CAPN15: variants seen among roughly 807,000 people sequenced by gnomAD.
CAPN15 encodes the protein calpain-15.
CAPN15 carries 53 observed loss-of-function variants against 97.9 expected under a neutral mutation model. The observed-to-expected ratio is 0.54, with a 90% CI of 0.43 to 0.68. The LOEUF (loss-of-function observed/expected upper bound fraction) is 0.68. Among genes scored for constraint, CAPN15 ranks in the 30% least tolerant of loss-of-function variants. CAPN15 has a pLI of 0.00. For missense variants in CAPN15, 1,592 were observed against 1,589.8 expected, an observed-to-expected ratio of 1.00 and a Z score of -0.02; for synonymous variants, 922 against 722.5, an observed-to-expected ratio of 1.28 and a Z score of -4.43.
chr16:549,310 C>A lies in CAPN15; in HGVS notation c.1681C>A (p.Leu561Met). Residue 561 changes from leucine to methionine, a missense_variant, in exon 6 of 14, where the codon CTG becomes ATG. This residue lies in a region of CAPN15 where 65 missense variants were observed against 113.7 expected (regional missense o/e 0.57). Coordinates refer to ENST00000219611, the MANE Select transcript of CAPN15 (RefSeq NM_005632.3). ...CAGGTTCCTGAGCGCCCTGGCGGTG[C>A]TGGCGGAGCGGCCGGACCTGGTGGA... Reference protein sequence around the residue: ...NCWFLSALAVLAERPDLVERV... With the variant: ...NCWFLSALAVMAERPDLVERV... The A allele has an allele frequency of 2.5e-6, 4 of 1,592,138 alleles. No homozygotes were observed. Among genetic ancestry groups the A allele is most frequent in the Non-Finnish European group, 2.6e-6 (3 of 1,176,122 alleles).
intron 7 of CAPN15, among the ~76,000 whole-genome samples, chr16:550,802 G>A (rs867694185): frequency 0.076 from 312 of 4,080 alleles, 2 homozygotes; most frequent in Middle Eastern, 0.1. Flanking sequence ...GGTCCCGGTC[G>A]GTGAGGGCCC....
At chr16:544,721 C>T (rs1424587417) in intron 3 of CAPN15, among the ~76,000 whole-genome samples, 37 of 71,122 alleles carry the variant, frequency 5.2e-4, no homozygotes, top group East Asian at 2.8e-3. Flanking sequence ...CCCCACGTCG[C>T]CTCCCCCACG....
chr16:551,800 T>G, intron 9 of CAPN15, 136 bp downstream of exon 9: 5 of 1,193,242 alleles, frequency 4.2e-6, no homozygotes, highest in Non-Finnish European at 6.0e-6. Flanking sequence ...ACCTGGAGCT[T>G]CAGCTCCAAG....
chr16:529,419 C>T (rs773492783), intron 1 of CAPN15, among the ~76,000 whole-genome samples: 18 of 152,192 alleles, frequency 1.2e-4, no homozygotes, highest in Non-Finnish European at 2.1e-4. Context: ...ACTCCGGTAA[C>T]CCCAGTGCCA....
At chr16:551,272 C>T in intron 7 of CAPN15, 30 bp from the exon 8 acceptor site, 1 of 1,552,036 alleles carries the variant, frequency 6.4e-7, no homozygotes, top group Non-Finnish European at 8.7e-7. Flanking sequence ...GGTGAGGGTC[C>T]CGGTCGGTGA....
rs1283613334 is a variant in CAPN15 at position 533,871 on chromosome 16, G to T, written c.-189-75G>T. 3 of 728,536 alleles carry T rather than the reference G, an allele frequency of 4.1e-6. No individual in the cohort carries two copies. The East Asian group carries it at 3.9e-4, about 96-fold the overall frequency. 45.1% of individuals were successfully genotyped at this position (728,536 alleles called of 1,614,324 possible). A position where few individuals can be genotyped will look rare whatever the true frequency, so the allele number is the denominator to read the frequency against. ...CTGGCTCCTGCAGAGAGGGCTGGAG[G>T]CGGGGCTCTGTGTTCCAGGGTCAGA... On this transcript the variant is annotated intron_variant, in intron 1 of 13. Coordinates refer to ENST00000219611, the MANE Select transcript of CAPN15 (RefSeq NM_005632.3).
chr16:552,630 G>A lies in CAPN15; in HGVS notation c.2763G>A (p.Pro921=), dbSNP rs373284396. The A allele has an allele frequency of 1.6e-4, 250 of 1,537,104 alleles. No homozygotes were observed. The highest frequency in any genetic ancestry group is 1.7e-4 in the Middle Eastern group (1 of 5,772). Residue 921 remains proline, a synonymous_variant, in exon 12 of 14, where the codon CCG becomes CCA. Transcript: ENST00000219611. The surrounding 1 kb of genome is among the most constrained non-coding windows in gnomAD (Gnocchi z 6.4). ...CCTCCAGCCCCTCGGCAGGGGTCCC[G>A]AGAGCCTCCCCAGAGCCGCCGGGCC... ...PQASSPSAGV[P]RASPEPPGHV...
rs905137505 is a variant in CAPN15 at position 547,534 on chromosome 16, C to T, written c.696C>T (p.Phe232=). The T allele has an allele frequency of 9.4e-6, 15 of 1,597,802 alleles. No homozygotes were observed. The highest frequency in any genetic ancestry group is 1.3e-5 in the African/African-American group (1 of 74,868). ...CAGAGCCGCCCAGGGTCCCGCCCTT[C>T]AGCCCCTTCTCGTCCACCCTGCAGA... ...AEPEPPRVPP[F]SPFSSTLQNN... The change falls in exon 4 of 14, where the codon TTC becomes TTT. Residue 232 remains phenylalanine, a synonymous_variant. Coordinates refer to ENST00000219611, the MANE Select transcript of CAPN15 (RefSeq NM_005632.3).
intron 3 of CAPN15, among the ~76,000 whole-genome samples, chr16:546,528 C>T (rs1037469295): frequency 1.3e-5 from 2 of 152,248 alleles, no homozygotes; most frequent in Non-Finnish European, 2.9e-5. Context: ...ACAGAGAAAG[C>T]AGTGCCCTGG....
At chr16:541,132 C>A (rs931241214) in intron 3 of CAPN15, among the ~76,000 whole-genome samples, 1 of 152,260 alleles carries the variant, frequency 6.6e-6, no homozygotes, top group African/African-American at 2.4e-5. Context: ...GGGACGATGT[C>A]CTGCTGTCTG....
In CAPN15 at chr16:547,521, G is replaced by T. The variant is rs759755087; in HGVS notation, c.683G>T (p.Arg228Met). 1 of 1,598,196 alleles carries T rather than the reference G, an allele frequency of 6.3e-7. No homozygotes were observed. The highest frequency in any genetic ancestry group is 1.1e-5 in the South Asian group (1 of 91,024). Residue 228 changes from arginine (R) to methionine (M), a missense_variant, in exon 4 of 14, where the codon AGG (arginine) becomes ATG (methionine). Arg to Met is a moderately conservative substitution (Grantham distance 91). Around this residue, in one of 3 missense-constraint regions of CAPN15, gnomAD observed 883 missense variants for 776.6 expected, o/e 1.14. Transcript: ENST00000219611. Reference sequence around the variant, plus strand: ...CCAGCTGCCGAACCAGAGCCGCCCAGGGTCCCGCCCTTCAGCCCCTTCTCG... The same window carrying T: ...CCAGCTGCCGAACCAGAGCCGCCCATGGTCCCGCCCTTCAGCCCCTTCTCG... ...QGPAAEPEPP[R>M]VPPFSPFSST...
rs374346295 is a variant in CAPN15 at position 547,207 on chromosome 16, C to T, written c.369C>T (p.Cys123=). 22 of 1,530,012 alleles carry T rather than the reference C, an allele frequency of 1.4e-5. No homozygotes were observed. The highest frequency in any genetic ancestry group is 1.8e-4 in the Middle Eastern group (1 of 5,486). The allele number at this position is 1,530,012 out of a possible 1,614,324, so 94.8% of individuals were successfully genotyped here. A position where few individuals can be genotyped will look rare whatever the true frequency, so the allele number is the denominator to read the frequency against. Reference sequence around the variant, plus strand: ...CCACGGAGCCCGCCAGGGGGCAGTGCGAGGACAAGGACGAGGAGGAGAAGG... The same window carrying T: ...CCACGGAGCCCGCCAGGGGGCAGTGTGAGGACAAGGACGAGGAGGAGAAGG... The part of the protein sequence containing the change: ...LVATEPARGQ[C]EDKDEEEKEE... Residue 123 remains cysteine (C), a synonymous_variant, in exon 4 of 14, where the codon TGC becomes TGT. Coordinates refer to ENST00000219611, the MANE Select transcript of CAPN15 (RefSeq NM_005632.3).
chr16:549,321 G>A lies in CAPN15; in HGVS notation c.1692G>A (p.Arg564=). The A allele has an allele frequency of 1.3e-6, 2 of 1,593,378 alleles. No homozygotes were observed. Among genetic ancestry groups the A allele is most frequent in the Non-Finnish European group, 1.7e-6 (2 of 1,176,762 alleles). The part of the protein sequence containing the change: ...FLSALAVLAE[R]PDLVERVMVT... ...GCGCCCTGGCGGTGCTGGCGGAGCG[G>A]CCGGACCTGGTGGAGCGGGTGATGG... Residue 564 remains arginine, a synonymous_variant, in exon 6 of 14, where the codon CGG becomes CGA. Transcript: ENST00000219611.
chr16:551,274 G>C (rs200245058), intron 7 of CAPN15, 28 bp from the exon 8 acceptor site: 2 of 1,552,780 alleles, frequency 1.3e-6, no homozygotes, highest in African/African-American at 1.4e-5. Context: ...TGAGGGTCCC[G>C]GTCGGTGAGG....
chr16:549,534 C>T (rs1176300378), intron 6 of CAPN15, 63 bp downstream of exon 6: 3 of 1,499,814 alleles, frequency 2.0e-6, no homozygotes, highest in Non-Finnish European at 2.7e-6. Context: ...GCCCCGAAAA[C>T]AAGGCCGGCT....
chr16:552,000 G>A (rs774962907), intron 9 of CAPN15, 51 bp from the exon 10 acceptor site: 57 of 1,526,090 alleles, frequency 3.7e-5, no homozygotes, highest in Admixed American at 1.8e-4. Flanking sequence ...GCTGAGCCAC[G>A]GAGGTGTGGG....
At position 551,191 on chromosome 16, in the gene CAPN15, G is replaced by C. The variant is rs144043662; in HGVS notation, c.2067-111G>C. 174 of 1,376,842 alleles carry C rather than the reference G, an allele frequency of 1.3e-4. 2 individuals carry two copies. The highest frequency in any genetic ancestry group is 7.2e-4 in the East Asian group (28 of 38,946). The allele number at this position is 1,376,842 out of a possible 1,614,324, so 85.3% of individuals were successfully genotyped here. ...GAGGGTCCCGGTCGGTGAGGGCCCC[G>C]GTCGGTGAGGGTCCCCAGTCGGTGA... On this transcript the variant is annotated intron_variant, in intron 7 of 13. Transcript: ENST00000219611.
rs552774729 is a variant in CAPN15 at position 552,156 on chromosome 16, G to A, written c.2451G>A (p.Ala817=). The A allele has an allele frequency of 1.3e-4, 200 of 1,546,482 alleles. No homozygotes were observed. The highest frequency in any genetic ancestry group is 1.7e-4 in the South Asian group (14 of 83,702). ...SSASAPVGVT[A]LTVLERASLE... is the part of the protein sequence containing the mutation. ...CCAGCGCGCCCGTGGGGGTAACAGCGCTCACGGTGCTGGAGCGGGCCTCGC... is the reference window on the plus strand; with the variant it reads ...CCAGCGCGCCCGTGGGGGTAACAGCACTCACGGTGCTGGAGCGGGCCTCGC... Residue 817 remains alanine, a synonymous_variant, in exon 10 of 14, where the codon GCG becomes GCA. Coordinates refer to ENST00000219611, the MANE Select transcript of CAPN15 (RefSeq NM_005632.3). The surrounding 1 kb of genome is among the most constrained non-coding windows in gnomAD (Gnocchi z 6.4).
chr16:551,725 C>T lies in CAPN15; in HGVS notation c.2345+61C>T, dbSNP rs1040553136. 56 of 1,570,034 alleles carry T rather than the reference C, an allele frequency of 3.6e-5. No individual in the cohort carries two copies. In the Admixed American group the frequency reaches 8.9e-4, roughly 25 times the overall value. ...CGCCCTCCTAGGGCCGAGTCCTTCT[C>T]TGGAGAACAAGCCTGTCCCTCCTGC... On this transcript the variant is annotated intron_variant, in intron 9 of 13. Coordinates refer to ENST00000219611, the MANE Select transcript of CAPN15 (RefSeq NM_005632.3).
Sources: allele counts gnomAD v4.1 joint callset (sites outside exome capture counted in the v4.1 genomes callset), GRCh38; gene constraint gnomAD v4.1.1; regional missense constraint gnomAD v4.1.1; non-coding constraint Gnocchi (gnomAD v3.1); transcripts MANE v1.5; gene names NCBI Gene and HGNC (gene_info 2026-07-23, HGNC 2026-07-21).